Variants in ARHGAP6 observed in about 807,000 individuals in gnomAD.
ARHGAP6 encodes rho GTPase-activating protein 6.
ARHGAP6 carries 16 observed loss-of-function variants against 55.7 expected under a neutral mutation model. The ratio of observed to expected loss-of-function variants is 0.29; its 90% CI spans 0.19 to 0.44. ARHGAP6 has a LOEUF of 0.44. Among genes scored for constraint, ARHGAP6 ranks in the 20% least tolerant of loss-of-function variants. The pLI is 1.00. For missense variants in ARHGAP6, 698 were observed against 808.9 expected, an observed-to-expected ratio of 0.86 and a Z score of 1.66; for synonymous variants, 382 against 360.9, an observed-to-expected ratio of 1.06 and a Z score of -0.66.
chrX:11,390,616 A>G (rs1366058059), intron 1 of ARHGAP6, among the ~76,000 whole-genome samples: 1 of 112,018 alleles, frequency 8.9e-6, no homozygotes, highest in African/African-American at 3.3e-5. Flanking sequence ...CAAATTTACA[A>G]GAAAAAAACA....
At chrX:11,535,207 C>G (rs961433257) in intron 1 of ARHGAP6, among the ~76,000 whole-genome samples, 1 of 111,715 alleles carries the variant, frequency 9.0e-6, no homozygotes, top group African/African-American at 3.2e-5. Flanking sequence ...ATTTAGCCAC[C>G]CTGCTTCCCA....
At chrX:11,564,876 A>T (rs766650941) in intron 1 of ARHGAP6, among the ~76,000 whole-genome samples, 36 of 112,027 alleles carry the variant, frequency 3.2e-4, no homozygotes, top group African/African-American at 1.1e-3. Context: ...GACTGGCTGG[A>T]TGGAGCACCT....
At chrX:11,148,594 C>T (rs1476629483) in intron 10 of ARHGAP6, 1 of 352,137 alleles carries the variant, frequency 2.8e-6, no homozygotes, top group Non-Finnish European at 5.5e-6. Context: ...ACCAGACAAG[C>T]AAGGGATGGG....
intron 1 of ARHGAP6, among the ~76,000 whole-genome samples, chrX:11,494,306 A>G (rs1294926366): frequency 4.5e-5 from 5 of 111,984 alleles, no homozygotes. Context: ...TCCACACAAA[A>G]TGGTCAGATC....
intron 1 of ARHGAP6, chrX:11,290,526 T>C (rs1219942581): frequency 6.4e-6 from 2 of 312,783 alleles, no homozygotes; most frequent in Non-Finnish European, 1.2e-5. Flanking sequence ...TAGAGAATGA[T>C]GTTTTCTTGT....
In ARHGAP6 at chrX:11,178,110, T is replaced by G; in HGVS notation, c.1619A>C (p.Asp540Ala). 1 of 1,211,603 alleles carries G rather than the reference T, an allele frequency of 8.3e-7. No individual in the cohort carries two copies. The highest frequency in any genetic ancestry group is 1.1e-6 in the Non-Finnish European group (1 of 895,445). The part of the protein sequence containing the change: ...ARHADDNISK[D>A]GQEVTGNKMT... Reference sequence around the variant, plus strand: ...GCAAAGGCATCTTACCTCTTGCCCATCTTTGCTGATGTTGTCATCGGCATG... The same window carrying G: ...GCAAAGGCATCTTACCTCTTGCCCAGCTTTGCTGATGTTGTCATCGGCATG... The change falls in exon 8 of 13, where the codon GAT becomes GCT. Residue 540 changes from aspartate to alanine, a missense_variant. Asp to Ala is a moderately radical substitution (Grantham distance 126, BLOSUM62 -2). Transcript: ENST00000337414.
intron 1 of ARHGAP6, among the ~76,000 whole-genome samples, chrX:11,353,581 T>A (rs1158773936): frequency 9.4e-6 from 1 of 106,659 alleles, no homozygotes; most frequent in African/African-American, 3.4e-5. Context: ...TGTGTGTGTG[T>A]GTGTGTGTGT....
intron 5 of ARHGAP6, among the ~76,000 whole-genome samples, chrX:11,184,941 G>A (rs2046366954): frequency 8.9e-6 from 1 of 112,062 alleles, no homozygotes; most frequent in Non-Finnish European, 1.9e-5. Flanking sequence ...TAGGCCATAT[G>A]GTAGAGCCTA....
chrX:11,235,360 T>C (rs990907536), intron 2 of ARHGAP6, among the ~76,000 whole-genome samples: 2 of 112,398 alleles, frequency 1.8e-5, no homozygotes, highest in Middle Eastern at 4.2e-3. Context: ...TAAGGCTGCA[T>C]AGAGCCGGGG....
chrX:11,616,557 A>G (rs1232857724), intron 1 of ARHGAP6, among the ~76,000 whole-genome samples: 1 of 111,205 alleles, frequency 9.0e-6, no homozygotes, highest in Admixed American at 9.6e-5. Flanking sequence ...CAAACTGCTG[A>G]CCTCAAGTGA....
intron 1 of ARHGAP6, among the ~76,000 whole-genome samples, chrX:11,430,017 C>T (rs2049926150): frequency 9.0e-6 from 1 of 111,578 alleles, no homozygotes; most frequent in South Asian, 3.8e-4. Flanking sequence ...CTTTTTCTTC[C>T]ATCACGCTTG....
chrX:11,528,315 G>C (rs1163567492), intron 1 of ARHGAP6, among the ~76,000 whole-genome samples: 2 of 111,992 alleles, frequency 1.8e-5, no homozygotes, highest in African/African-American at 6.5e-5. Flanking sequence ...TCTGTGGCAC[G>C]TTTAGATAAA....
intron 1 of ARHGAP6, among the ~76,000 whole-genome samples, chrX:11,595,949 T>C (rs2051896904): frequency 9.0e-6 from 1 of 111,727 alleles, no homozygotes; most frequent in Non-Finnish European, 1.9e-5. Flanking sequence ...TGTGGAGAAA[T>C]AGGGACACTT....
At chrX:11,174,570 C>CTT (rs1397306319) in intron 8 of ARHGAP6, among the ~76,000 whole-genome samples, 33 of 65,425 alleles carry the variant, frequency 5.0e-4, no homozygotes, top group African/African-American at 9.0e-4. Flanking sequence ...TCCTTCCTTC[C>CTT]TTCCTTTCTT....
chrX:11,323,154 A>G (rs769539272), intron 1 of ARHGAP6, among the ~76,000 whole-genome samples: 20 of 112,490 alleles, frequency 1.8e-4, no homozygotes, highest in Non-Finnish European at 3.0e-4. Context: ...GAAATACTTA[A>G]TTATAAAAAC....
Position 11,328,531 on chromosome X carries a change from T to C in ARHGAP6, c.589-73824A>G, listed in dbSNP as rs773168160. On this transcript the variant is annotated intron_variant, in intron 1 of 12. Coordinates refer to ENST00000337414, the MANE Select transcript of ARHGAP6 (RefSeq NM_013427.3). ...TGAGTTCTTAGAAACCAGTAACAGT[T>C]AACTGAATTCAGTGCCTGACCACCA... 2.7e-5 allele frequency among the ~76,000 whole-genome samples: 3 copies of C among 112,239 alleles called. No individual in the cohort carries two copies. The South Asian group carries it at 1.1e-3, about 42-fold the overall frequency.
intron 1 of ARHGAP6, among the ~76,000 whole-genome samples, chrX:11,567,911 C>T (rs2051465060): frequency 1.8e-5 from 2 of 110,828 alleles, no homozygotes; most frequent in Non-Finnish European, 3.8e-5. Context: ...CTCCTGGGCC[C>T]AAGCAATTAT....
intron 1 of ARHGAP6, among the ~76,000 whole-genome samples, chrX:11,527,110 A>G (rs2050998624): frequency 9.3e-6 from 1 of 107,820 alleles, no homozygotes; most frequent in African/African-American, 3.4e-5. Flanking sequence ...TTAAGATTAC[A>G]CTGATATGTT....
chrX:11,403,806 C>G (rs995253607), intron 1 of ARHGAP6, among the ~76,000 whole-genome samples: 2 of 112,338 alleles, frequency 1.8e-5, no homozygotes, highest in African/African-American at 6.5e-5. Flanking sequence ...ATAAACAAAT[C>G]TTCTACTCTT....
Sources: gnomAD v4.1 joint callset for allele counts (sites outside exome capture counted in the v4.1 genomes callset) on GRCh38, gnomAD v4.1.1 for gene constraint, MANE v1.5 for transcripts, NCBI Gene and HGNC (gene_info 2026-07-23, HGNC 2026-07-21) for gene names.